The following PDE1C variants were observed in gnomAD, a reference collection of about 807,000 sequenced individuals.
PDE1C encodes dual specificity calcium/calmodulin-dependent 3',5'-cyclic nucleotide phosphodiesterase 1C.
A neutral mutation model predicts 93.1 loss-of-function variants in PDE1C; 62 were observed. That is an observed-to-expected ratio of 0.67 (90% confidence interval 0.54 to 0.82). The LOEUF is 0.82. PDE1C is among the 40% of genes least tolerant of loss of function. The probability of loss-of-function intolerance (pLI) is 0.00; values close to 1 mark genes in which losing one functional copy is unlikely to be tolerated. For synonymous variants in PDE1C, 325 were observed against 310.1 expected, an observed-to-expected ratio of 1.05 and a Z score of -0.50; for missense variants, 742 against 884.6, an observed-to-expected ratio of 0.84 and a Z score of 2.04.
At position 31,928,488 on chromosome 7, in the gene PDE1C, C is replaced by T. The variant is rs374956626; in HGVS notation, c.129-47628G>A. Among the ~76,000 whole-genome samples the T allele has an allele frequency of 1.2e-4, 18 of 152,154 alleles. No individual in the cohort carries two copies. In the East Asian group the frequency reaches 3.1e-3, roughly 26 times the overall value. On this transcript the variant is annotated intron_variant, in intron 2 of 17. Coordinates refer to ENST00000396191, the MANE Select transcript of PDE1C (RefSeq NM_001191057.4). ...CCCCAAGAAACATAACCATCAGATT[C>T]TCCAAGGTTGAAACAAAGGAAAAAA...
intron 17 of PDE1C, among the ~76,000 whole-genome samples, chr7:31,773,384 G>A (rs529064574): frequency 1.3e-3 from 191 of 152,116 alleles, no homozygotes; most frequent in South Asian, 2.7e-3. Flanking sequence ...AGAGCAAGTG[G>A]GTCCCAGGAC....
chr7:32,126,201 C>CTAGATAGATAGA (rs5883326), intron 3 of PDE1C, among the ~76,000 whole-genome samples: 3,625 of 146,968 alleles, frequency 0.025, 61 homozygotes, highest in South Asian at 0.027. Context: ...ATCCACTATT[C>CTAGATAGATAGA]TAGATAGATA....
chr7:32,387,682 A>ACC (rs575212038), intron 1 of PDE1C, among the ~76,000 whole-genome samples: 1 of 81,248 alleles, frequency 1.2e-5, no homozygotes, highest in Non-Finnish European at 2.4e-5. Context: ...CGGGGGGCTG[A>ACC]CCCCCCCCAC....
intron 2 of PDE1C, among the ~76,000 whole-genome samples, chr7:31,922,660 G>T (rs1018331205): frequency 1.3e-5 from 2 of 152,098 alleles, no homozygotes; most frequent in African/African-American, 4.8e-5. Context: ...AGTGATTTGG[G>T]TGGACAAAAT....
the PDE1C span, among the ~76,000 whole-genome samples, chr7:31,647,375 T>C: frequency 1.3e-5 from 2 of 152,016 alleles, no homozygotes; most frequent in South Asian, 4.1e-4. Context: ...TAGAAGATAA[T>C]GGGAGGCCAG....
intron 1 of PDE1C, among the ~76,000 whole-genome samples, chr7:32,287,985 T>C (rs1383430798): frequency 6.6e-6 from 1 of 152,096 alleles, no homozygotes; most frequent in Non-Finnish European, 1.5e-5. Flanking sequence ...GGCAGATCAC[T>C]TGAGGTCAGG....
At chr7:31,710,304 T>A in the PDE1C span, among the ~76,000 whole-genome samples, 5 of 152,230 alleles carry the variant, frequency 3.3e-5, no homozygotes, top group African/African-American at 1.2e-4. Context: ...CCAGGCTACC[T>A]GAAATGAGGA....
At chr7:32,340,293 C>T (rs866882414) in intron 1 of PDE1C, among the ~76,000 whole-genome samples, 10 of 152,036 alleles carry the variant, frequency 6.6e-5, no homozygotes, top group South Asian at 4.1e-4. Flanking sequence ...CAATATTGAT[C>T]GGATCACCTA....
intron 2 of PDE1C, among the ~76,000 whole-genome samples, chr7:32,024,711 T>C (rs1789169441): frequency 6.6e-6 from 1 of 152,138 alleles, no homozygotes; most frequent in Non-Finnish European, 1.5e-5. Context: ...CACACAGTTC[T>C]GTGAGCTCTC....
chr7:32,374,199 G>GAAAGAAA lies in PDE1C; in HGVS notation c.310+53622_310+53623insTTTCTTT, dbSNP rs1562695857. Among the ~76,000 whole-genome samples, 32 of 123,130 alleles carry GAAAGAAA rather than the reference G, an allele frequency of 2.6e-4. 2 individuals carry two copies. The highest frequency in any genetic ancestry group is 1.2e-3 in the African/African-American group (32 of 25,602). 80.8% of individuals were successfully genotyped at this position (123,130 alleles called of 152,430 possible). Reference sequence around the variant, plus strand: ...GAAAGAAAGAAAGAAAGAAAGAGAGGGAAAGAGAGGGAAAGAAAGGGAAAG... The same window carrying GAAAGAAA: ...GAAAGAAAGAAAGAAAGAAAGAGAGGAAAGAAAGAAAGAGAGGGAAAGAAAGGGAAAG... On this transcript the variant is annotated intron_variant, in intron 1 of 1. Coordinates refer to the PDE1C transcript ENST00000672256.
At chr7:32,359,120 T>A (rs1784085365) in intron 1 of PDE1C, among the ~76,000 whole-genome samples, 1 of 152,174 alleles carries the variant, frequency 6.6e-6, no homozygotes, top group Non-Finnish European at 1.5e-5. Context: ...GCTTTTCACC[T>A]GCCTTCAGCA....
chr7:31,875,544 T>C (rs973647314), intron 5 of PDE1C, among the ~76,000 whole-genome samples: 10 of 151,946 alleles, frequency 6.6e-5, no homozygotes, highest in African/African-American at 2.4e-4. Context: ...CTTCAACCAT[T>C]CTTCCTCATT....
chr7:31,898,420 A>T (rs945049358), intron 2 of PDE1C, among the ~76,000 whole-genome samples: 3 of 152,170 alleles, frequency 2.0e-5, no homozygotes, highest in Non-Finnish European at 4.4e-5. Flanking sequence ...CACTTAATGT[A>T]TTATAAACAC....
At chr7:32,148,313 T>C (rs1801032649) in intron 3 of PDE1C, among the ~76,000 whole-genome samples, 1 of 152,166 alleles carries the variant, frequency 6.6e-6, no homozygotes, top group Non-Finnish European at 1.5e-5. Flanking sequence ...ATTTAACCAA[T>C]ATATCTAAAA....
intron 2 of PDE1C, among the ~76,000 whole-genome samples, chr7:31,970,757 C>G (rs1057263114): frequency 6.6e-6 from 1 of 152,204 alleles, no homozygotes; most frequent in African/African-American, 2.4e-5. Flanking sequence ...CTGTTTAAAG[C>G]ATTCCCTCTC....
chr7:31,662,098 A>G, the PDE1C span, among the ~76,000 whole-genome samples: 3 of 152,180 alleles, frequency 2.0e-5, no homozygotes, highest in Admixed American at 6.6e-5. Context: ...GTAGGGTGCC[A>G]GTCCTTCCAG....
rs778809688 is a variant in PDE1C, at chr7:31,753,557, G to A, written c.1961-4C>T. On this transcript the variant is annotated splice_polypyrimidine_tract_variant and splice_region_variant and intron_variant, in intron 17 of 17. Coordinates refer to ENST00000396191, the MANE Select transcript of PDE1C (RefSeq NM_001191057.4). Reference sequence around the variant, plus strand: ...TGACGCAAAGGAGGCTTGATGACTGGCGGCCATGGAAAGGAAGACAGACAA... The same window carrying A: ...TGACGCAAAGGAGGCTTGATGACTGACGGCCATGGAAAGGAAGACAGACAA... 2 of 1,607,372 alleles carry A rather than the reference G, an allele frequency of 1.2e-6. No homozygotes were observed. The highest frequency in any genetic ancestry group is 2.2e-5 in the South Asian group (2 of 90,130).
chr7:32,037,355 G>A (rs1372763418), intron 2 of PDE1C, among the ~76,000 whole-genome samples: 1 of 152,050 alleles, frequency 6.6e-6, no homozygotes, highest in East Asian at 1.9e-4. Flanking sequence ...AGGTAATTAA[G>A]GCAGGGAGTT....
intron 1 of PDE1C, among the ~76,000 whole-genome samples, chr7:32,330,411 G>C (rs1783490997): frequency 6.6e-6 from 1 of 152,242 alleles, no homozygotes; most frequent in Non-Finnish European, 1.5e-5. Flanking sequence ...AAAATTGCTG[G>C]TGAGCTCGCA....
Sources: gnomAD v4.1 joint callset for allele counts (sites outside exome capture counted in the v4.1 genomes callset) on GRCh38, gnomAD v4.1.1 for gene constraint, MANE v1.5 for transcripts, NCBI Gene and HGNC (gene_info 2026-07-23, HGNC 2026-07-21) for gene names.